Variants in SRRM4 observed in about 807,000 individuals in gnomAD.
SRRM4 encodes the protein serine/arginine repetitive matrix 4.
Under a neutral mutation model 68.9 loss-of-function variants are expected in SRRM4, and 33 were observed. The observed-to-expected ratio is 0.48, with a 90% CI of 0.36 to 0.64. The LOEUF is 0.64. Among genes scored for constraint, SRRM4 ranks in the 30% least tolerant of loss-of-function variants. SRRM4 has a pLI of 0.00. For missense variants in SRRM4, 817 were observed against 827.1 expected (o/e 0.99, Z 0.15); for synonymous variants, 318 against 318.8 (o/e 1.00, Z 0.03).
At chr12:119,109,369 C>T (rs181503414) in intron 2 of SRRM4, among the ~76,000 whole-genome samples, 229 of 152,274 alleles carry the variant, frequency 1.5e-3, no homozygotes, top group African/African-American at 5.3e-3. Flanking sequence ...TGTTGGCCTG[C>T]CCCGCTAGGT....
chr12:119,145,509 C>T lies in SRRM4; in HGVS notation c.900C>T (p.Ser300=). ...CCTCGCCACCCTCCACGCAAACCAG[C>T]TCAGCCAGGTCTCGGGGCCAGGAGA... The part of the protein sequence containing the change: ...DTSSPPSTQT[S]SARSRGQEKG... The change falls in exon 9 of 13, where the codon AGC becomes AGT. Residue 300 remains serine, a synonymous_variant. Coordinates refer to ENST00000267260, the MANE Select transcript of SRRM4 (RefSeq NM_194286.4). The T allele has an allele frequency of 6.2e-7, 1 of 1,609,516 alleles. No homozygotes were observed.
rs369984921 is a variant in SRRM4, at chr12:119,125,430, C to G, written c.565C>G (p.Pro189Ala). The G allele has an allele frequency of 6.2e-7, 1 of 1,613,548 alleles. No homozygotes were observed. Among genetic ancestry groups the G allele is most frequent in the Non-Finnish European group, 8.5e-7 (1 of 1,179,766 alleles). ...KSHRHRHHRC[P>A]SRSQSSESRP... ...TCACCGCCACCGCCATCACCGCTGC[C>G]CCTCGCGGTCCCAGAGCTCGGAGTC... is the stretch of plus-strand genomic sequence containing the variant. Residue 189 changes from proline (P) to alanine (A), a missense_variant, in exon 7 of 13, where the codon CCC (proline) becomes GCC (alanine). Coordinates refer to ENST00000267260, the MANE Select transcript of SRRM4 (RefSeq NM_194286.4).
At chr12:119,031,888 T>A (rs956412563) in intron 1 of SRRM4, among the ~76,000 whole-genome samples, 1 of 152,200 alleles carries the variant, frequency 6.6e-6, no homozygotes, top group Non-Finnish European at 1.5e-5. Flanking sequence ...TTTTACCATT[T>A]GTTTTAAAGT....
intron 1 of SRRM4, 143 bp downstream of exon 1, chr12:118,982,156 T>A (rs1953251910): frequency 9.4e-7 from 1 of 1,061,648 alleles, no homozygotes; most frequent in Admixed American, 2.8e-5. Flanking sequence ...CGCTGAAACA[T>A]GGGAACTCAT....
At chr12:119,052,979 G>A (rs1953754470) in intron 1 of SRRM4, among the ~76,000 whole-genome samples, 1 of 152,224 alleles carries the variant, frequency 6.6e-6, no homozygotes, top group South Asian at 2.1e-4. Flanking sequence ...TGAGGTGGCT[G>A]CATAGAAGCA....
rs1225560925 is a variant in SRRM4, at chr12:119,158,691, C to T, written c.*1893C>T. 3.9e-5 allele frequency: 6 copies of T among 152,542 alleles called. No individual in the cohort carries two copies. The highest frequency in any genetic ancestry group is 1.2e-4 in the African/African-American group (5 of 41,468). The allele number at this position is 152,542 out of a possible 1,614,324, so 9.4% of individuals were successfully genotyped here. ...AAGTACAGCCACTGTAAATAACCCT[C>T]GTCCCTGCCCAGGAACCCAGACTGG... On this transcript the variant is annotated 3_prime_UTR_variant, in exon 13 of 13. Coordinates refer to ENST00000267260, the MANE Select transcript of SRRM4 (RefSeq NM_194286.4).
chr12:119,027,763 C>T (rs942901174), intron 1 of SRRM4, among the ~76,000 whole-genome samples: 1 of 152,312 alleles, frequency 6.6e-6, no homozygotes, highest in Admixed American at 6.5e-5. Flanking sequence ...ATCCCTGTCT[C>T]CATATTACAG....
At chr12:119,012,046 C>T (rs1193863576) in intron 1 of SRRM4, among the ~76,000 whole-genome samples, 1 of 152,178 alleles carries the variant, frequency 6.6e-6, no homozygotes, top group East Asian at 1.9e-4. Context: ...TGCCATAATG[C>T]TCTTGGTGAC....
At chr12:119,148,077 G>A (rs1350870584) in intron 9 of SRRM4, among the ~76,000 whole-genome samples, 1 of 152,196 alleles carries the variant, frequency 6.6e-6, no homozygotes, top group Non-Finnish European at 1.5e-5. Flanking sequence ...AAGCTTTGCT[G>A]GTGCCCTCTG....
chr12:119,141,148 G>A (rs1954362656), intron 8 of SRRM4, among the ~76,000 whole-genome samples: 1 of 152,148 alleles, frequency 6.6e-6, no homozygotes, highest in Non-Finnish European at 1.5e-5. Context: ...TCGCCATGTT[G>A]GCCAGCCTGG....
chr12:119,122,039 T>C, intron 5 of SRRM4, 31 bp from the exon 6 acceptor site: 5 of 1,492,006 alleles, frequency 3.4e-6, no homozygotes, highest in Non-Finnish European at 4.7e-6. Flanking sequence ...GAATTTTGCA[T>C]CTTTCAATTA....
At chr12:119,018,390 C>G (rs377046646) in intron 1 of SRRM4, among the ~76,000 whole-genome samples, 5 of 152,290 alleles carry the variant, frequency 3.3e-5, no homozygotes, top group South Asian at 4.1e-4. Context: ...AATTCAGCAT[C>G]GACTTCAGTT....
intron 1 of SRRM4, among the ~76,000 whole-genome samples, chr12:119,029,985 A>C (rs1953577893): frequency 6.6e-6 from 1 of 152,156 alleles, no homozygotes; most frequent in South Asian, 2.1e-4. Context: ...GCATTTCTGG[A>C]GTCTGAGAGA....
chr12:119,056,593 C>T (rs1953777974), intron 1 of SRRM4, among the ~76,000 whole-genome samples: 1 of 152,092 alleles, frequency 6.6e-6, no homozygotes, highest in Non-Finnish European at 1.5e-5. Context: ...TTTCTCAAGT[C>T]TTTCTCACCT....
chr12:119,158,551 G>T lies in SRRM4; in HGVS notation c.*1753G>T, dbSNP rs528287066. 1 of 152,384 alleles carries T rather than the reference G, an allele frequency of 6.6e-6. No individual in the cohort carries two copies. The allele number at this position is 152,384 out of a possible 1,614,324, so 9.4% of individuals were successfully genotyped here. A position where few individuals can be genotyped will look rare whatever the true frequency, so the allele number is the denominator to read the frequency against. On this transcript the variant is annotated 3_prime_UTR_variant, in exon 13 of 13. Coordinates refer to ENST00000267260, the MANE Select transcript of SRRM4 (RefSeq NM_194286.4). Reference sequence around the variant, plus strand: ...GTGGACGACCCAGCCTCCCCATACCGGGCCTCTGGCCCAGACCTAAGCCCT... The same window carrying T: ...GTGGACGACCCAGCCTCCCCATACCTGGCCTCTGGCCCAGACCTAAGCCCT...
chr12:119,068,672 T>G (rs1347892000), intron 1 of SRRM4, among the ~76,000 whole-genome samples: 1 of 151,994 alleles, frequency 6.6e-6, no homozygotes, highest in Non-Finnish European at 1.5e-5. Context: ...CCACAGAGCT[T>G]CTATTGCTCC....
intron 1 of SRRM4, among the ~76,000 whole-genome samples, chr12:118,987,336 G>T (rs1207439348): frequency 6.6e-6 from 1 of 152,126 alleles, no homozygotes; most frequent in Non-Finnish European, 1.5e-5. Flanking sequence ...ATGCAGAGAG[G>T]GGGGATGCTA....
At chr12:119,131,237 A>G (rs1383638412) in intron 8 of SRRM4, among the ~76,000 whole-genome samples, 1 of 152,174 alleles carries the variant, frequency 6.6e-6, no homozygotes, top group Non-Finnish European at 1.5e-5. Flanking sequence ...TGAAGTCTGC[A>G]TCTTTTATGC....
chr12:119,102,696 A>G (rs1451678043), intron 2 of SRRM4, among the ~76,000 whole-genome samples: 1 of 152,228 alleles, frequency 6.6e-6, no homozygotes, highest in African/African-American at 2.4e-5. Flanking sequence ...CACTGGCTGT[A>G]GTTCAGCAAG....
Sources: allele counts gnomAD v4.1 joint callset (sites outside exome capture counted in the v4.1 genomes callset), GRCh38; gene constraint gnomAD v4.1.1; transcripts MANE v1.5; gene names NCBI Gene and HGNC (gene_info 2026-07-23, HGNC 2026-07-21).